The following RNF122 variants were observed in gnomAD, a reference collection of about 807,000 sequenced individuals.
RNF122 encodes ring finger protein 122.
Under a neutral mutation model 24.2 loss-of-function variants are expected in RNF122, and 17 were observed. That is an observed-to-expected ratio of 0.70 (90% CI 0.48 to 1.06). RNF122 has a LOEUF of 1.06. Ranked by LOEUF, RNF122 falls within the 50% of genes least tolerant of loss-of-function variation. The pLI is 0.00. For synonymous variants in RNF122, 65 were observed against 71.8 expected, an observed-to-expected ratio of 0.91 and a Z score of 0.48; for missense variants, 168 against 198.1, an observed-to-expected ratio of 0.85 and a Z score of 0.91.
intron 1 of RNF122, among the ~76,000 whole-genome samples, chr8:33,566,259 G>A (rs1017541388): frequency 1.1e-4 from 16 of 152,104 alleles, no homozygotes; most frequent in Admixed American, 9.2e-4. Flanking sequence ...AGTCCCGCAC[G>A]CTGCACGGTA....
intron 2 of RNF122, among the ~76,000 whole-genome samples, chr8:33,553,759 G>A (rs1411675799): frequency 1.3e-5 from 2 of 152,176 alleles, no homozygotes; most frequent in Non-Finnish European, 2.9e-5. Context: ...CAGGCCCGTA[G>A]CACAGTGCAG....
Position 33,548,841 on chromosome 8 carries a change from C to A in RNF122, c.380G>T (p.Arg127Leu), listed in dbSNP as rs147098542. 4.6e-5 allele frequency: 74 copies of A among 1,613,650 alleles called. No homozygotes were observed. Among genetic ancestry groups the A allele is most frequent in the South Asian group, 1.1e-5 (1 of 91,066 alleles). ...RKCLVKWLEV[R>L]CVCPMCNKPI... ...CTTGTTACACATGGGGCAGACACAG[C>A]GAACTTCCAGCCATTTCACCAGACA... The change falls in exon 6 of 6, where the codon CGC becomes CTC. Residue 127 changes from arginine (R) to leucine (L), a missense_variant. Physicochemically the swap from Arg to Leu is moderately radical, Grantham distance 102. Transcript: ENST00000256257.
At chr8:33,557,810 T>TGG (rs76071453) in intron 2 of RNF122, among the ~76,000 whole-genome samples, 3 of 151,506 alleles carry the variant, frequency 2.0e-5, no homozygotes, top group African/African-American at 7.3e-5. Flanking sequence ...GTTTTGGTTT[T>TGG]TTCCACTCTC....
chr8:33,556,111 T>C (rs539909092), intron 2 of RNF122, among the ~76,000 whole-genome samples: 1 of 125,676 alleles, frequency 8.0e-6, no homozygotes, highest in South Asian at 2.5e-4. Flanking sequence ...GCCCGGGAGG[T>C]GGAGGTTGCA....
chr8:33,551,493 G>A (rs1810375210), intron 2 of RNF122, 104 bp from the exon 3 acceptor site: 1 of 1,167,904 alleles, frequency 8.6e-7, no homozygotes, highest in Admixed American at 1.8e-5. Context: ...GCAGGGAGGG[G>A]TGCTTGTCCC....
In RNF122 at chr8:33,551,082, C is replaced by G; in HGVS notation, c.232G>C (p.Val78Leu). The G allele has an allele frequency of 1.9e-6, 3 of 1,614,084 alleles. No individual in the cohort carries two copies. The highest frequency in any genetic ancestry group is 1.7e-5 in the Admixed American group (1 of 60,006). The change falls in exon 4 of 6, where the codon GTG becomes CTG. Residue 78 changes from valine to leucine, a missense_variant. Val to Leu is a conservative substitution (Grantham distance 32). Coordinates refer to ENST00000256257, the MANE Select transcript of RNF122 (RefSeq NM_024787.3). ...AACTTCTTGGCATCACCTTTAAGCACCACCTGAAAAGAAAGAGGAGGCATG... is the reference window on the plus strand; with the variant it reads ...AACTTCTTGGCATCACCTTTAAGCAGCACCTGAAAAGAAAGAGGAGGCATG... ...QSERYGYKEV[V>L]LKGDAKKLQL...
Position 33,548,935 on chromosome 8 carries a change from C to G in RNF122, c.354-68G>C. ...ACGCTGCTCCAGTTGTCTCTCAAAA[C>G]AAGAATATCCCGTGGTGGCTCACAA... On this transcript the variant is annotated intron_variant, in intron 5 of 5. Transcript: ENST00000256257. 5 of 1,110,762 alleles carry G rather than the reference C, an allele frequency of 4.5e-6. No individual in the cohort carries two copies. In the South Asian group the frequency reaches 6.2e-5, roughly 14 times the overall value. 68.8% of individuals were successfully genotyped at this position (1,110,762 alleles called of 1,614,324 possible). A position where few individuals can be genotyped will look rare whatever the true frequency, so the allele number is the denominator to read the frequency against.
intron 1 of RNF122, among the ~76,000 whole-genome samples, chr8:33,563,049 G>A (rs759652113): frequency 2.0e-5 from 3 of 151,556 alleles, no homozygotes; most frequent in Non-Finnish European, 4.4e-5. Context: ...TGAGGCAGAG[G>A]CTGCAGTGAG....
chr8:33,551,139 G>A (rs1329036690), intron 3 of RNF122, 54 bp from the exon 4 acceptor site: 22 of 1,594,268 alleles, frequency 1.4e-5, no homozygotes, highest in Non-Finnish European at 1.7e-5. Context: ...ACTGGGGCCA[G>A]CCAGGTAGTA....
intron 2 of RNF122, among the ~76,000 whole-genome samples, chr8:33,555,697 C>A (rs1810441416): frequency 6.6e-6 from 1 of 152,216 alleles, no homozygotes; most frequent in African/African-American, 2.4e-5. Flanking sequence ...CTCATTGCTA[C>A]CAGACTTGTC....
intron 2 of RNF122, among the ~76,000 whole-genome samples, chr8:33,558,382 A>G (rs1810486508): frequency 6.6e-6 from 1 of 152,196 alleles, no homozygotes; most frequent in African/African-American, 2.4e-5. Context: ...GGTGGGATGC[A>G]GCCCAACCCG....
intron 2 of RNF122, among the ~76,000 whole-genome samples, chr8:33,553,738 G>C (rs1287728989): frequency 6.6e-6 from 1 of 152,202 alleles, no homozygotes; most frequent in Non-Finnish European, 1.5e-5. Flanking sequence ...GGCAGAAGAT[G>C]GGGGCACAGC....
At chr8:33,556,179 CAAAAAAAAAAAAA>C (rs538829399) in intron 2 of RNF122, among the ~76,000 whole-genome samples, 1 of 33,976 alleles carries the variant, frequency 2.9e-5, no homozygotes, top group South Asian at 1.0e-3. Context: ...GACCCTGTCT[CAAAAAAAAAAAAA>C]AAAAAAAAAA....
chr8:33,549,289 C>G (rs1309782989), intron 5 of RNF122, 121 bp downstream of exon 5: 12 of 788,140 alleles, frequency 1.5e-5, no homozygotes, highest in Non-Finnish European at 9.0e-6. Context: ...TCGGTGTTCA[C>G]GTAGGACCTG....
intron 2 of RNF122, among the ~76,000 whole-genome samples, chr8:33,555,172 G>C (rs1192345460): frequency 2.7e-5 from 4 of 149,772 alleles, no homozygotes; most frequent in African/African-American, 1.0e-4. Flanking sequence ...TGTGGTTACT[G>C]TTCTGTTTTT....
At chr8:33,554,382 T>G (rs1316815593) in intron 2 of RNF122, among the ~76,000 whole-genome samples, 1 of 152,218 alleles carries the variant, frequency 6.6e-6, no homozygotes, top group African/African-American at 2.4e-5. Context: ...CTGTTTTCTG[T>G]ACCCCAGGCA....
intron 1 of RNF122, among the ~76,000 whole-genome samples, chr8:33,559,673 G>A (rs1439743672): frequency 6.6e-6 from 1 of 152,076 alleles, no homozygotes; most frequent in Non-Finnish European, 1.5e-5. Flanking sequence ...CCAGAAAGTG[G>A]CGATGGGGGT....
chr8:33,549,458 C>T lies in RNF122; in HGVS notation c.305G>A (p.Gly102Glu). ...CGGGAGCACGCCTAACTCATCCTTC[C>T]CCTTGAAGTCTTCCAGACAGACTGC... The part of the protein sequence containing the change: ...TCAVCLEDFK[G>E]KDELGVLPCQ... Residue 102 changes from glycine (G) to glutamate (E), a missense_variant, in exon 5 of 6, where the codon GGG becomes GAG. By Grantham distance (98) the Gly-to-Glu change is moderately conservative. Coordinates refer to ENST00000256257, the MANE Select transcript of RNF122 (RefSeq NM_024787.3). 1 of 1,614,144 alleles carries T rather than the reference C, an allele frequency of 6.2e-7. No homozygotes were observed. Among genetic ancestry groups the T allele is most frequent in the Non-Finnish European group, 8.5e-7 (1 of 1,180,010 alleles).
rs1810633946 is a variant in RNF122, at chr8:33,566,815, A to C, written c.-92T>G. 7.5e-7 allele frequency: 1 copy of C among 1,331,064 alleles called. No individual in the cohort carries two copies. Among genetic ancestry groups the C allele is most frequent in the Non-Finnish European group, 1.1e-6 (1 of 947,870 alleles). 82.5% of individuals were successfully genotyped at this position (1,331,064 alleles called of 1,614,324 possible). On this transcript the variant is annotated 5_prime_UTR_variant, in exon 1 of 6. Coordinates refer to ENST00000256257, the MANE Select transcript of RNF122 (RefSeq NM_024787.3). Reference sequence around the variant, plus strand: ...GAGCACTAGCGGCGTGAGGGGCCGCAGGCGGGGTCGGGGCAGCGCGCTGCA... The same window carrying C: ...GAGCACTAGCGGCGTGAGGGGCCGCCGGCGGGGTCGGGGCAGCGCGCTGCA...
Sources: gnomAD v4.1 joint callset for allele counts (sites outside exome capture counted in the v4.1 genomes callset) on GRCh38, gnomAD v4.1.1 for gene constraint, MANE v1.5 for transcripts, NCBI Gene and HGNC (gene_info 2026-07-23, HGNC 2026-07-21) for gene names.